Variants in MAP2 observed in about 807,000 individuals in gnomAD.
The protein encoded by MAP2 is microtubule associated protein 2, also known as microtubule-associated protein 2.
MAP2 carries 14 observed loss-of-function variants against 137.6 expected under a neutral mutation model. That is an observed-to-expected ratio of 0.10 (90% CI 0.07 to 0.16). MAP2 has a LOEUF of 0.16. Among genes scored for constraint, MAP2 ranks in the 10% least tolerant of loss-of-function variants. The probability of loss-of-function intolerance (pLI) is 1.00; values close to 1 mark genes in which losing one functional copy is unlikely to be tolerated. For synonymous variants in MAP2, 786 were observed against 782.3 expected, an observed-to-expected ratio of 1.00 and a Z score of -0.08; for missense variants, 2,088 against 2,191.5, an observed-to-expected ratio of 0.95 and a Z score of 0.94.
chr2:209,710,305 C>A, intron 13 of MAP2, 51 bp downstream of exon 13: 1 of 1,402,984 alleles, frequency 7.1e-7, no homozygotes, highest in Non-Finnish European at 9.8e-7. Context: ...TATTACATTG[C>A]CTTCTTCATA....
At chr2:209,535,847 T>C (rs2065873941) in intron 2 of MAP2, among the ~76,000 whole-genome samples, 1 of 152,190 alleles carries the variant, frequency 6.6e-6, no homozygotes, top group Admixed American at 6.5e-5. Context: ...TTGCTGTTCC[T>C]CATTGTCTTC....
At chr2:209,702,671 C>T (rs1329543313) in intron 11 of MAP2, among the ~76,000 whole-genome samples, 1 of 151,968 alleles carries the variant, frequency 6.6e-6, no homozygotes, top group Non-Finnish European at 1.5e-5. Flanking sequence ...TTCTTAACTA[C>T]AAGCAATCCA....
chr2:209,434,896 TTATA>T (rs201537636), intron 1 of MAP2, among the ~76,000 whole-genome samples: 1 of 138,392 alleles, frequency 7.2e-6, no homozygotes, highest in African/African-American at 2.8e-5. Context: ...TATATATATG[TTATA>T]TATATATGTT....
chr2:209,540,630 C>CACA (rs2066812481), intron 2 of MAP2, among the ~76,000 whole-genome samples: 1 of 27,592 alleles, frequency 3.6e-5, no homozygotes, highest in African/African-American at 1.4e-4. Context: ...GACTCCGTCT[C>CACA]AAAAAAAAAA....
chr2:209,708,182 G>A (rs950510939), intron 12 of MAP2, among the ~76,000 whole-genome samples: 3 of 152,076 alleles, frequency 2.0e-5, no homozygotes, highest in Admixed American at 1.3e-4. Flanking sequence ...AGACATCTAC[G>A]TTACAAACTT....
At chr2:209,616,875 A>G (rs568458773) in intron 3 of MAP2, among the ~76,000 whole-genome samples, 1 of 152,310 alleles carries the variant, frequency 6.6e-6, no homozygotes, top group East Asian at 1.9e-4. Context: ...AGTGAAGCAT[A>G]GGCAGCCATG....
chr2:209,494,523 C>T (rs1388166445), intron 1 of MAP2, among the ~76,000 whole-genome samples: 109 of 151,774 alleles, frequency 7.2e-4, no homozygotes, highest in East Asian at 1.9e-4. Context: ...GTCCTACCAG[C>T]GCCATGACAG....
chr2:209,527,459 T>A (rs763535228), intron 2 of MAP2, among the ~76,000 whole-genome samples: 2 of 152,178 alleles, frequency 1.3e-5, no homozygotes, highest in Non-Finnish European at 2.9e-5. Flanking sequence ...CACCGATGCC[T>A]ACTGTTGTCT....
At chr2:209,669,140 A>G (rs2047645149) in intron 5 of MAP2, among the ~76,000 whole-genome samples, 2 of 152,120 alleles carry the variant, frequency 1.3e-5, no homozygotes, top group Admixed American at 6.6e-5. Flanking sequence ...TACAACATTA[A>G]TAGTTAATGA....
intron 3 of MAP2, among the ~76,000 whole-genome samples, chr2:209,595,610 A>G (rs2081043352): frequency 6.6e-6 from 1 of 152,222 alleles, no homozygotes; most frequent in Non-Finnish European, 1.5e-5. Context: ...ATTACTGGGT[A>G]TATACCCAAA....
chr2:209,687,602 G>T (rs536202646), intron 7 of MAP2, among the ~76,000 whole-genome samples: 1 of 152,206 alleles, frequency 6.6e-6, no homozygotes, highest in Non-Finnish European at 1.5e-5. Context: ...CCTTCATCCT[G>T]CTGTGCTGCT....
At chr2:209,522,143 C>CT (rs573695279) in intron 2 of MAP2, among the ~76,000 whole-genome samples, 70 of 149,058 alleles carry the variant, frequency 4.7e-4, no homozygotes, top group Admixed American at 1.8e-3. Flanking sequence ...GATGGGCCTC[C>CT]TTTTTTTTTT....
At chr2:209,429,523 A>G (rs567787208) in intron 1 of MAP2, among the ~76,000 whole-genome samples, 65 of 152,286 alleles carry the variant, frequency 4.3e-4, no homozygotes, top group African/African-American at 1.5e-3. Flanking sequence ...TGTTGAACTA[A>G]ATTAATTTAA....
At chr2:209,719,157 G>T (rs2069053172) in intron 13 of MAP2, among the ~76,000 whole-genome samples, 1 of 152,200 alleles carries the variant, frequency 6.6e-6, no homozygotes, top group South Asian at 2.1e-4. Context: ...AGGGAAGTCA[G>T]TTGAGTGCCA....
chr2:209,477,489 T>C (rs957317297), intron 1 of MAP2, among the ~76,000 whole-genome samples: 1 of 152,244 alleles, frequency 6.6e-6, no homozygotes, highest in African/African-American at 2.4e-5. Context: ...TTCATGCTAT[T>C]CCTAAAACCC....
At chr2:209,442,865 T>C (rs1162478275) in intron 1 of MAP2, among the ~76,000 whole-genome samples, 1 of 151,646 alleles carries the variant, frequency 6.6e-6, no homozygotes, top group Non-Finnish European at 1.5e-5. Context: ...CTCCTAAATA[T>C]ATATTTCTTT....
intron 1 of MAP2, among the ~76,000 whole-genome samples, chr2:209,489,788 C>A (rs2058844032): frequency 6.6e-6 from 1 of 151,952 alleles, no homozygotes; most frequent in Admixed American, 6.6e-5. Context: ...AAATATGGGA[C>A]CATGTGAAAA....
rs756947989 is a variant in MAP2 at position 209,695,276 on chromosome 2, C to G, written c.3106C>G (p.Gln1036Glu). ...AEVEPSKKVE[Q>E]GLDFAVQGQL... ...GGTAGAACCATCCAAAAAGGTGGAACAAGGTCTGGATTTTGCTGTCCAGGG... is the reference window on the plus strand; with the variant it reads ...GGTAGAACCATCCAAAAAGGTGGAAGAAGGTCTGGATTTTGCTGTCCAGGG... The change falls in exon 8 of 16, where the codon CAA becomes GAA. Residue 1036 changes from glutamine to glutamate, a missense_variant. Physicochemically the swap from Gln to Glu is conservative, Grantham distance 29. Around this residue, in one of 6 missense-constraint regions of MAP2, gnomAD observed 500 missense variants for 482.9 expected, o/e 1.04. Coordinates refer to ENST00000682079, the MANE Select transcript of MAP2 (RefSeq NM_001375505.1). 93 of 1,613,706 alleles carry G rather than the reference C, an allele frequency of 5.8e-5. 1 individual carries two copies. In the South Asian group the frequency reaches 7.1e-4, roughly 12 times the overall value.
chr2:209,625,685 A>G (rs1174992020), intron 4 of MAP2, among the ~76,000 whole-genome samples: 1 of 152,160 alleles, frequency 6.6e-6, no homozygotes. Context: ...TGTGGTAGAA[A>G]TGTCTAGCAA....
Sources: gnomAD v4.1 joint callset for allele counts (sites outside exome capture counted in the v4.1 genomes callset) on GRCh38, gnomAD v4.1.1 for gene constraint, gnomAD v4.1.1 regional missense constraint, MANE v1.5 for transcripts, NCBI Gene and HGNC (gene_info 2026-07-23, HGNC 2026-07-21) for gene names.